The following FAM193A variants were observed in gnomAD, a reference collection of about 807,000 sequenced individuals.
FAM193A encodes the protein family with sequence similarity 193 member A, also known as protein FAM193A.
In FAM193A, 22 loss-of-function variants were observed where a neutral mutation model predicts 126.5. That is an observed-to-expected ratio of 0.17 (90% CI 0.12 to 0.25). FAM193A has a LOEUF of 0.25. Ranked by LOEUF, FAM193A falls within the 10% of genes least tolerant of loss-of-function variation. FAM193A has a pLI of 1.00. For missense variants in FAM193A, 1,675 were observed against 1,672.8 expected (o/e 1.00, Z -0.02); for synonymous variants, 761 against 646.8 (o/e 1.18, Z -2.68).
intron 2 of FAM193A, among the ~76,000 whole-genome samples, chr4:2,597,918 T>C (rs181348495): frequency 2.0e-5 from 3 of 152,266 alleles, no homozygotes; most frequent in South Asian, 4.1e-4. Context: ...TGAATTTTTT[T>C]TTTTGAGACA....
At position 2,705,175 on chromosome 4, in the gene FAM193A, G is replaced by T. The variant is rs1414450330; in HGVS notation, c.4372+4631G>T. Among the ~76,000 whole-genome samples, 7 of 152,200 alleles carry T rather than the reference G, an allele frequency of 4.6e-5. No homozygotes were observed. The South Asian group carries it at 1.4e-3, about 31-fold the overall frequency. ...TCCGCCTGTCTTGGCCTCCCAAAGTGCTGGGATTACAGGCATGAGCCACCG... is the reference window on the plus strand; with the variant it reads ...TCCGCCTGTCTTGGCCTCCCAAAGTTCTGGGATTACAGGCATGAGCCACCG... On this transcript the variant is annotated intron_variant, in intron 19 of 20. Coordinates refer to ENST00000637812, the MANE Select transcript of FAM193A (RefSeq NM_001366318.2).
chr4:2,622,934 C>G (rs974522229), intron 2 of FAM193A, among the ~76,000 whole-genome samples: 2 of 152,100 alleles, frequency 1.3e-5, no homozygotes, highest in Admixed American at 6.6e-5. Flanking sequence ...ACATTCAGAC[C>G]TTTGGGCACT....
At chr4:2,567,625 T>C (rs1432123650) in intron 1 of FAM193A, among the ~76,000 whole-genome samples, 1 of 152,182 alleles carries the variant, frequency 6.6e-6, no homozygotes, top group East Asian at 1.9e-4. Context: ...ATTGTATGTT[T>C]TTATATTTTG....
At chr4:2,562,746 C>A (rs952526900) in intron 1 of FAM193A, among the ~76,000 whole-genome samples, 1 of 151,770 alleles carries the variant, frequency 6.6e-6, no homozygotes, top group African/African-American at 2.4e-5. Context: ...TCTCGTGCCT[C>A]ATCCTTCCCA....
At chr4:2,565,754 T>G (rs942845501) in intron 1 of FAM193A, among the ~76,000 whole-genome samples, 9 of 152,196 alleles carry the variant, frequency 5.9e-5, no homozygotes, top group Non-Finnish European at 1.3e-4. Flanking sequence ...GAGACCTTTA[T>G]AGAGTAGTAC....
At chr4:2,538,200 T>G (rs982684630) in intron 1 of FAM193A, among the ~76,000 whole-genome samples, 18 of 152,134 alleles carry the variant, frequency 1.2e-4, no homozygotes, top group African/African-American at 4.1e-4. Flanking sequence ...AATTGTTCTT[T>G]TTTTTTTTTT....
At chr4:2,559,076 T>G (rs1168614389) in intron 1 of FAM193A, among the ~76,000 whole-genome samples, 4 of 152,154 alleles carry the variant, frequency 2.6e-5, no homozygotes, top group African/African-American at 9.7e-5. Flanking sequence ...TTTAAAAGAA[T>G]AATGGGAGGG....
chr4:2,602,959 C>CTTTTTTTTTTTTT lies in FAM193A; in HGVS notation c.501+6645_501+6657dup, dbSNP rs71178487. ...ACAAGTGTGAGCCACTGCACCCGGC[C>CTTTTTTTTTTTTT]TTTTTTTTTTTTTTTTTTTTTTTTT... On this transcript the variant is annotated intron_variant, in intron 2 of 20. Transcript: ENST00000637812. Among the ~76,000 whole-genome samples the CTTTTTTTTTTTTT allele has an allele frequency of 1.2e-3, 52 of 42,306 alleles. 16 individuals are homozygous for CTTTTTTTTTTTTT. The highest frequency in any genetic ancestry group is 6.0e-3 in the African/African-American group (52 of 8,684). The allele number at this position is 42,306 out of a possible 152,430, so 27.8% of individuals were successfully genotyped here. A position where few individuals can be genotyped will look rare whatever the true frequency, so the allele number is the denominator to read the frequency against.
chr4:2,707,486 G>A (rs959692049), intron 19 of FAM193A, among the ~76,000 whole-genome samples: 8 of 151,972 alleles, frequency 5.3e-5, no homozygotes, highest in Non-Finnish European at 1.2e-4. Context: ...TGTTATAAGT[G>A]TAAAATATAT....
At chr4:2,687,950 C>A (rs1560569085) in intron 13 of FAM193A, among the ~76,000 whole-genome samples, 1 of 152,218 alleles carries the variant, frequency 6.6e-6, no homozygotes, top group Non-Finnish European at 1.5e-5. Flanking sequence ...CCCTCTGCCC[C>A]AGCCAGGCCA....
intron 14 of FAM193A, among the ~76,000 whole-genome samples, chr4:2,689,954 C>A (rs1716172743): frequency 6.6e-6 from 1 of 152,232 alleles, no homozygotes; most frequent in Non-Finnish European, 1.5e-5. Context: ...GCCCGGTGAG[C>A]CACATGGGCG....
At chr4:2,671,995 AG>A in intron 12 of FAM193A, 125 bp from the exon 13 acceptor site, 1 of 953,140 alleles carries the variant, frequency 1.0e-6, no homozygotes, top group African/African-American at 1.6e-5. Flanking sequence ...TGGTCAACTC[AG>A]GGTGTCAGGA....
chr4:2,724,941 A>G (rs1720557409), intron 20 of FAM193A, among the ~76,000 whole-genome samples: 1 of 152,040 alleles, frequency 6.6e-6, no homozygotes, highest in South Asian at 2.1e-4. Flanking sequence ...AATTGGTGCA[A>G]TCTCGGCTCA....
Position 2,659,924 on chromosome 4 carries a change from C to G in FAM193A, c.1615C>G (p.Pro539Ala), listed in dbSNP as rs928706053. 1 of 1,614,192 alleles carries G rather than the reference C, an allele frequency of 6.2e-7. No homozygotes were observed. The highest frequency in any genetic ancestry group is 2.2e-5 in the East Asian group (1 of 44,888). ...GCTCCCACTTCAAGTGGATCCTGCT[C>G]CTGACTATCTTGCTGAGAGGAGCCC... is the stretch of plus-strand genomic sequence containing the variant. The part of the protein sequence containing the change: ...HQLPLQVDPA[P>A]DYLAERSPPS... The change falls in exon 10 of 21, where the codon CCT (proline) becomes GCT (alanine). Residue 539 changes from proline to alanine, a missense_variant. Coordinates refer to ENST00000637812, the MANE Select transcript of FAM193A (RefSeq NM_001366318.2).
At chr4:2,666,388 C>T (rs926996220) in intron 12 of FAM193A, among the ~76,000 whole-genome samples, 3 of 152,032 alleles carry the variant, frequency 2.0e-5, no homozygotes, top group African/African-American at 7.2e-5. Flanking sequence ...TAATCCTTTT[C>T]ATGTGTTCCT....
chr4:2,536,109 A>G (rs536750807), upstream of FAM193A, among the ~76,000 whole-genome samples: 4,322 of 151,682 alleles, frequency 0.028, 223 homozygotes, highest in African/African-American at 0.098. Flanking sequence ...CCCCTGGTGC[A>G]TCCCGGGAGC....
chr4:2,611,413 C>T (rs187233042), intron 2 of FAM193A, among the ~76,000 whole-genome samples: 69 of 152,094 alleles, frequency 4.5e-4, no homozygotes, highest in Admixed American at 6.5e-4. Flanking sequence ...GGACTACAGG[C>T]GCCAGCCACC....
chr4:2,727,075 A>G (rs1327656173), intron 20 of FAM193A, among the ~76,000 whole-genome samples: 1 of 152,136 alleles, frequency 6.6e-6, no homozygotes, highest in African/African-American at 2.4e-5. Context: ...TCTGGCCAAC[A>G]TGGTGAAACC....
At chr4:2,611,166 T>C (rs760091489) in intron 2 of FAM193A, among the ~76,000 whole-genome samples, 1 of 152,242 alleles carries the variant, frequency 6.6e-6, no homozygotes, top group Non-Finnish European at 1.5e-5. Context: ...AGTTGATCTT[T>C]ATCTTTGCCA....
Sources: gnomAD v4.1 joint callset for allele counts (sites outside exome capture counted in the v4.1 genomes callset) on GRCh38, gnomAD v4.1.1 for gene constraint, MANE v1.5 for transcripts, NCBI Gene and HGNC (gene_info 2026-07-23, HGNC 2026-07-21) for gene names.